DCLRE1C: variants seen among roughly 807,000 people sequenced by gnomAD.
The protein encoded by DCLRE1C is protein artemis.
Under a neutral mutation model 61.4 loss-of-function variants are expected in DCLRE1C, and 47 were observed. The ratio of observed to expected loss-of-function variants is 0.77; its 90% CI spans 0.61 to 0.98. DCLRE1C has a LOEUF of 0.98. Among genes scored for constraint, DCLRE1C ranks in the 50% least tolerant of loss-of-function variants. DCLRE1C has a pLI of 0.00. For synonymous variants in DCLRE1C, 337 were observed against 287.6 expected (o/e 1.17, Z -1.74); for missense variants, 858 against 816.0 (o/e 1.05, Z -0.63).
chr10:14,929,516 A>C (rs1386892155), intron 9 of DCLRE1C, among the ~76,000 whole-genome samples: 1 of 150,832 alleles, frequency 6.6e-6, no homozygotes, highest in Middle Eastern at 3.2e-3. Flanking sequence ...GTGGTACACA[A>C]CTGCAGTCCC....
chr10:14,917,677 A>T (rs1031120331), intron 13 of DCLRE1C, among the ~76,000 whole-genome samples: 5 of 152,128 alleles, frequency 3.3e-5, no homozygotes, highest in Non-Finnish European at 5.9e-5. Flanking sequence ...TATAAAAATT[A>T]GCCAGGCATG....
chr10:14,909,975 A>G (rs1358958747), intron 13 of DCLRE1C, among the ~76,000 whole-genome samples: 1 of 151,826 alleles, frequency 6.6e-6, no homozygotes, highest in African/African-American at 2.4e-5. Context: ...AGCCTTACTT[A>G]GAAAAACAAA....
chr10:14,899,365 T>C, intron 13 of DCLRE1C: 1 of 727,320 alleles, frequency 1.4e-6, no homozygotes, highest in Non-Finnish European at 2.3e-6. Flanking sequence ...TTTCTTCCCC[T>C]CATTTTCCCA....
chr10:14,897,362 A>T, exon 14 of DCLRE1C: 1 of 1,613,112 alleles, frequency 6.2e-7, no homozygotes, highest in Non-Finnish European at 8.5e-7. Context: ...ATGCAACTCA[A>T]GGTGTCAGTG....
At chr10:14,915,988 T>A (rs897894723) in intron 13 of DCLRE1C, among the ~76,000 whole-genome samples, 1 of 152,104 alleles carries the variant, frequency 6.6e-6, no homozygotes, top group Admixed American at 6.6e-5. Flanking sequence ...TAACAGAGTA[T>A]AAAGAAAAAC....
chr10:14,935,796 G>A (rs1839810295), intron 5 of DCLRE1C, among the ~76,000 whole-genome samples: 1 of 152,200 alleles, frequency 6.6e-6, no homozygotes, highest in African/African-American at 2.4e-5. Context: ...TGTTCCTTGT[G>A]ATATGTTAGC....
chr10:14,924,569 C>A (rs781047487), intron 11 of DCLRE1C, among the ~76,000 whole-genome samples: 11 of 152,144 alleles, frequency 7.2e-5, no homozygotes, highest in African/African-American at 2.7e-4. Context: ...ATCATCCAGG[C>A]CAGGCGTGGT....
At chr10:14,923,367 G>T in intron 11 of DCLRE1C, 3 of 323,462 alleles carry the variant, frequency 9.3e-6, no homozygotes, top group East Asian at 6.9e-5. Context: ...GGGACTCAAA[G>T]ATTCTTTTTT....
intron 2 of DCLRE1C, among the ~76,000 whole-genome samples, chr10:14,948,191 T>C (rs1234167377): frequency 6.6e-6 from 1 of 150,412 alleles, no homozygotes; most frequent in Non-Finnish European, 1.5e-5. Context: ...CTGGGCAACA[T>C]GGTAAGTCCC....
At chr10:14,911,992 G>A (rs1835336982) in intron 13 of DCLRE1C, among the ~76,000 whole-genome samples, 1 of 152,226 alleles carries the variant, frequency 6.6e-6, no homozygotes, top group Non-Finnish European at 1.5e-5. Flanking sequence ...AATGTAAAAT[G>A]TATTCAGTGT....
At chr10:14,921,411 G>A (rs768380222) in intron 12 of DCLRE1C, among the ~76,000 whole-genome samples, 8 of 152,124 alleles carry the variant, frequency 5.3e-5, no homozygotes, top group Non-Finnish European at 1.0e-4. Flanking sequence ...GCATATTTAA[G>A]TCTCAGCTAT....
rs1208388908 is a variant in DCLRE1C, at chr10:14,953,896, A to G, written c.109+6T>C. 1 of 1,613,648 alleles carries G rather than the reference A, an allele frequency of 6.2e-7. No individual in the cohort carries two copies. On this transcript the variant is annotated splice_donor_region_variant and intron_variant, in intron 1 of 13. Coordinates refer to ENST00000378278, the MANE Select transcript of DCLRE1C (RefSeq NM_001033855.3). ...CGGGAGCGGGCGACGCGCAGCCCTC[A>G]CTCACCTTTGTGGCAGTGGGACAGG...
chr10:14,938,629 T>G (rs1266891910), intron 4 of DCLRE1C, among the ~76,000 whole-genome samples: 1 of 152,202 alleles, frequency 6.6e-6, no homozygotes, highest in Non-Finnish European at 1.5e-5. Flanking sequence ...TCCTACTTAT[T>G]AAAACCATAC....
At chr10:14,925,896 C>T (rs774015221) in intron 11 of DCLRE1C, among the ~76,000 whole-genome samples, 1 of 152,174 alleles carries the variant, frequency 6.6e-6, no homozygotes, top group Non-Finnish European at 1.5e-5. Context: ...CCCCATGTGT[C>T]GGAGGGACCA....
chr10:14,947,290 C>T (rs1358406474), intron 2 of DCLRE1C, among the ~76,000 whole-genome samples: 1 of 152,092 alleles, frequency 6.6e-6, no homozygotes, highest in Non-Finnish European at 1.5e-5. Context: ...GTTTTCCCAG[C>T]CCAGGTATCA....
At position 14,908,710 on chromosome 10, in the gene DCLRE1C, G is replaced by T; in HGVS notation, c.1777C>A (p.Gln593Lys). The T allele has an allele frequency of 6.2e-7, 1 of 1,614,150 alleles. No individual in the cohort carries two copies. The highest frequency in any genetic ancestry group is 1.1e-5 in the South Asian group (1 of 91,076). Residue 593 changes from glutamine to lysine, a missense_variant, in exon 14 of 14, where the codon CAA becomes AAA. This residue lies in a region of DCLRE1C where 843 missense variants were observed against 783.5 expected (regional missense o/e 1.08). Coordinates refer to ENST00000378278, the MANE Select transcript of DCLRE1C (RefSeq NM_001033855.3). The stretch of plus-strand genomic sequence containing the variant: ...GTATCCTTTGGGCAAATTACATTTT[G>T]TTCCATGAGAGAGGCAGGAATATTC... The part of the protein sequence containing the change: ...KENIPASLME[Q>K]NVICPKDTYS...
chr10:14,953,804 C>A, intron 1 of DCLRE1C, 98 bp downstream of exon 1: 1 of 1,561,096 alleles, frequency 6.4e-7, no homozygotes, highest in Non-Finnish European at 8.7e-7. Flanking sequence ...TCGCTGGCTT[C>A]CCACAGGCTG....
chr10:14,946,299 C>T (rs1047553765), intron 2 of DCLRE1C, among the ~76,000 whole-genome samples: 23 of 152,242 alleles, frequency 1.5e-4, no homozygotes, highest in South Asian at 6.2e-4. Context: ...TGAGCCACCG[C>T]GCCCAGACCA....
chr10:14,901,376 G>A (rs557762118), downstream of DCLRE1C: 137 of 1,394,198 alleles, frequency 9.8e-5, 3 homozygotes, highest in South Asian at 1.6e-3. Flanking sequence ...ATGAAAAGTT[G>A]AGGCACTAAG....
Sources: gnomAD v4.1 joint callset for allele counts (sites outside exome capture counted in the v4.1 genomes callset) on GRCh38, gnomAD v4.1.1 for gene constraint, gnomAD v4.1.1 regional missense constraint, MANE v1.5 for transcripts, NCBI Gene and HGNC (gene_info 2026-07-23, HGNC 2026-07-21) for gene names.